Variants in ATF7 observed in about 807,000 individuals in gnomAD.
ATF7 encodes the protein activating transcription factor 7, also known as cyclic AMP-dependent transcription factor ATF-7.
Under a neutral mutation model 50.4 loss-of-function variants are expected in ATF7, and 10 were observed. The ratio of observed to expected loss-of-function variants is 0.20; its 90% CI spans 0.12 to 0.34. The LOEUF is 0.34. ATF7 is among the 10% of genes least tolerant of loss of function. The probability of loss-of-function intolerance (pLI) is 1.00; values close to 1 mark genes in which losing one functional copy is unlikely to be tolerated. For missense variants in ATF7, 465 were observed against 613.9 expected, an observed-to-expected ratio of 0.76 and a Z score of 2.56; for synonymous variants, 201 against 226.4, an observed-to-expected ratio of 0.89 and a Z score of 1.01.
intron 3 of ATF7, among the ~76,000 whole-genome samples, chr12:53,545,027 G>A (rs918844716): frequency 2.0e-5 from 3 of 152,098 alleles, no homozygotes; most frequent in African/African-American, 4.8e-5. Context: ...ACTTTAGTAA[G>A]GGCATACCCA....
intron 2 of ATF7, among the ~76,000 whole-genome samples, chr12:53,571,127 A>G (rs929194632): frequency 6.6e-6 from 1 of 152,232 alleles, no homozygotes; most frequent in Non-Finnish European, 1.5e-5. Flanking sequence ...CAGAGAGGAG[A>G]GGGCAATGTG....
At chr12:53,542,476 G>C (rs544765837) in intron 4 of ATF7, among the ~76,000 whole-genome samples, 2 of 151,752 alleles carry the variant, frequency 1.3e-5, no homozygotes, top group East Asian at 3.9e-4. Flanking sequence ...ACCCAGGCTG[G>C]AGCACAGTGG....
intron 2 of ATF7, among the ~76,000 whole-genome samples, chr12:53,552,929 GA>G (rs1173107305): frequency 6.6e-6 from 1 of 151,826 alleles, no homozygotes. Flanking sequence ...GGCTCCAAAT[GA>G]AAAAAACATT....
intron 1 of ATF7, among the ~76,000 whole-genome samples, chr12:53,604,588 G>C (rs966977258): frequency 1.7e-4 from 26 of 152,272 alleles, no homozygotes; most frequent in African/African-American, 6.3e-4. Flanking sequence ...CAGATATGGT[G>C]TGATGTGATC....
chr12:53,600,723 G>C (rs1943362385), intron 2 of ATF7: 1 of 455,796 alleles, frequency 2.2e-6, no homozygotes, highest in African/African-American at 2.0e-5. Context: ...ATACTGTGTG[G>C]TGGGAAACAA....
At chr12:53,539,863 G>A (rs1253372721) in intron 4 of ATF7, among the ~76,000 whole-genome samples, 2 of 151,638 alleles carry the variant, frequency 1.3e-5, no homozygotes, top group East Asian at 1.9e-4. Context: ...GAGCCCTGGA[G>A]TTCAAGACCA....
chr12:53,549,504 A>G (rs1286439603), intron 3 of ATF7, among the ~76,000 whole-genome samples: 1 of 152,030 alleles, frequency 6.6e-6, no homozygotes, highest in Non-Finnish European at 1.5e-5. Context: ...CCTGAGTTCA[A>G]GCGACTCTCC....
In ATF7 at chr12:53,524,978, C is replaced by T. The variant is rs978576515; in HGVS notation, c.928-217G>A. On this transcript the variant is annotated intron_variant, in intron 9 of 11. Transcript: ENST00000420353. This position sits in a 1 kb window ranked among gnomAD's most constrained non-coding sequence, Gnocchi z 4.6. ...CAGTCTTCTCAGTCTCATACTTAGACAAACTACAGTTCATTTGGAAACTCT... is the reference window on the plus strand; with the variant it reads ...CAGTCTTCTCAGTCTCATACTTAGATAAACTACAGTTCATTTGGAAACTCT... 1 of 497,562 alleles carries T rather than the reference C, an allele frequency of 2.0e-6. No individual in the cohort carries two copies. The highest frequency in any genetic ancestry group is 3.5e-6 in the Non-Finnish European group (1 of 284,208). The allele number at this position is 497,562 out of a possible 1,614,324, so 30.8% of individuals were successfully genotyped here. A position where few individuals can be genotyped will look rare whatever the true frequency, so the allele number is the denominator to read the frequency against.
chr12:53,596,716 A>G (rs769160478), intron 2 of ATF7, among the ~76,000 whole-genome samples: 2 of 152,238 alleles, frequency 1.3e-5, no homozygotes, highest in Non-Finnish European at 2.9e-5. Context: ...TCCACATACA[A>G]TGGAACAATT....
intron 4 of ATF7, among the ~76,000 whole-genome samples, chr12:53,539,466 G>A (rs930418435): frequency 6.6e-6 from 1 of 151,690 alleles, no homozygotes. Flanking sequence ...ATTCGAGGTG[G>A]GAGGATTGCT....
chr12:53,550,253 G>C (rs867635621), intron 3 of ATF7, among the ~76,000 whole-genome samples: 1 of 151,410 alleles, frequency 6.6e-6, no homozygotes, highest in Non-Finnish European at 1.5e-5. Flanking sequence ...GAGCCTGGGA[G>C]GGGGAGGTTG....
intron 1 of ATF7, among the ~76,000 whole-genome samples, chr12:53,622,594 C>G (rs929677532): frequency 1.3e-5 from 2 of 148,266 alleles, no homozygotes; most frequent in African/African-American, 2.5e-5. Flanking sequence ...GCACTCCAGC[C>G]AGGGCAAAAG....
At chr12:53,546,861 G>A (rs567704994) in intron 3 of ATF7, among the ~76,000 whole-genome samples, 16 of 151,842 alleles carry the variant, frequency 1.1e-4, no homozygotes, top group African/African-American at 3.9e-4. Context: ...AGGCTCAAGT[G>A]ATCCTCCCAC....
At chr12:53,560,718 A>G (rs897361219) in intron 2 of ATF7, among the ~76,000 whole-genome samples, 2 of 152,202 alleles carry the variant, frequency 1.3e-5, no homozygotes, top group African/African-American at 2.4e-5. Context: ...GACTGGGGTA[A>G]GAAGACAATC....
At chr12:53,586,297 C>T (rs1942676010) in intron 2 of ATF7, among the ~76,000 whole-genome samples, 1 of 152,010 alleles carries the variant, frequency 6.6e-6, no homozygotes, top group Non-Finnish European at 1.5e-5. Flanking sequence ...CCTAAGGAGA[C>T]TACAGTCTCC....
intron 8 of ATF7, 32 bp from the exon 9 acceptor site, chr12:53,531,928 A>G: frequency 6.2e-7 from 1 of 1,610,418 alleles, no homozygotes; most frequent in Non-Finnish European, 8.5e-7. Flanking sequence ...AATGCTTGTT[A>G]AGGATCAGAT....
chr12:53,554,972 T>A (rs796947369), intron 2 of ATF7, among the ~76,000 whole-genome samples: 1 of 151,854 alleles, frequency 6.6e-6, no homozygotes, highest in African/African-American at 2.4e-5. Flanking sequence ...GAACTTTAGT[T>A]TTCTCTATTG....
chr12:53,618,845 C>T lies in ATF7; in HGVS notation c.-22+7434G>A, dbSNP rs117147497. Among the ~76,000 whole-genome samples the T allele has an allele frequency of 8.8e-4, 133 of 151,918 alleles. 1 individual carries two copies. The East Asian group carries it at 0.023, about 27-fold the overall frequency. Reference sequence around the variant, plus strand: ...GGTAGGTGGATTGCCTGAGCTCAGGCGTTCGAGACCACCCTGAGCAACATG... The same window carrying T: ...GGTAGGTGGATTGCCTGAGCTCAGGTGTTCGAGACCACCCTGAGCAACATG... On this transcript the variant is annotated intron_variant, in intron 1 of 11. Transcript: ENST00000420353.
At chr12:53,585,842 T>C (rs1266862375) in intron 2 of ATF7, among the ~76,000 whole-genome samples, 1 of 151,398 alleles carries the variant, frequency 6.6e-6, no homozygotes, top group Non-Finnish European at 1.5e-5. Flanking sequence ...TTCTACTAGA[T>C]AAAGGAAAAA....
Sources: gnomAD v4.1 joint callset for allele counts (sites outside exome capture counted in the v4.1 genomes callset) on GRCh38, gnomAD v4.1.1 for gene constraint, Gnocchi (gnomAD v3.1) non-coding constraint, MANE v1.5 for transcripts, NCBI Gene and HGNC (gene_info 2026-07-23, HGNC 2026-07-21) for gene names.